The following NELL1 variants were observed in gnomAD, a reference collection of about 807,000 sequenced individuals.
NELL1 encodes protein kinase C-binding protein NELL1.
NELL1 carries 76 observed loss-of-function variants against 107.4 expected under a neutral mutation model. The observed-to-expected ratio is 0.71, with a 90% CI of 0.59 to 0.86. The LOEUF (loss-of-function observed/expected upper bound fraction) is 0.86, where lower values mean the gene tolerates loss of function less well. NELL1 is among the 40% of genes least tolerant of loss of function. NELL1 has a pLI of 0.00. For missense variants in NELL1, 1,024 were observed against 1,005.5 expected (o/e 1.02, Z -0.25); for synonymous variants, 353 against 341.2 (o/e 1.03, Z -0.38).
At chr11:21,091,320 C>T (rs1256066319) in intron 12 of NELL1, among the ~76,000 whole-genome samples, 1 of 152,138 alleles carries the variant, frequency 6.6e-6, no homozygotes, top group East Asian at 1.9e-4. Context: ...TAAAAACTGG[C>T]CTTTATATAA....
chr11:20,787,164 C>G (rs1856985378), intron 3 of NELL1, among the ~76,000 whole-genome samples: 1 of 151,600 alleles, frequency 6.6e-6, no homozygotes, highest in Non-Finnish European at 1.5e-5. Context: ...TCCCCTCTCC[C>G]TCTGGACTTT....
chr11:21,085,599 G>A (rs75792024), intron 12 of NELL1, among the ~76,000 whole-genome samples: 1,712 of 152,142 alleles, frequency 0.011, 32 homozygotes, highest in African/African-American at 0.039. Context: ...TCACACCACT[G>A]CACTGCAGCC....
chr11:21,333,756 C>A (rs1333759005), intron 14 of NELL1, among the ~76,000 whole-genome samples: 2 of 151,950 alleles, frequency 1.3e-5, no homozygotes, highest in African/African-American at 2.4e-5. Flanking sequence ...TTTTCCTTGT[C>A]CAGTAAGTGA....
chr11:20,698,983 G>T (rs968620420), intron 2 of NELL1, among the ~76,000 whole-genome samples: 2 of 152,094 alleles, frequency 1.3e-5, no homozygotes, highest in Non-Finnish European at 2.9e-5. Flanking sequence ...TTGGGAGGCC[G>T]AGGTGGGCAG....
At chr11:21,009,526 G>T (rs1397512671) in intron 12 of NELL1, among the ~76,000 whole-genome samples, 1 of 151,968 alleles carries the variant, frequency 6.6e-6, no homozygotes, top group African/African-American at 2.4e-5. Context: ...GTGCATAATT[G>T]GTTACCCAGA....
chr11:21,548,489 G>A (rs1039531392), intron 16 of NELL1, among the ~76,000 whole-genome samples: 20 of 151,806 alleles, frequency 1.3e-4, no homozygotes, highest in African/African-American at 4.4e-4. Flanking sequence ...CAATAGGTGA[G>A]AGAGAGAATG....
At chr11:21,562,762 C>T (rs1490096554) in intron 17 of NELL1, among the ~76,000 whole-genome samples, 5 of 151,728 alleles carry the variant, frequency 3.3e-5, no homozygotes, top group African/African-American at 1.2e-4. Flanking sequence ...GATTTAAATG[C>T]CGTCAAATTA....
At chr11:21,336,651 GTA>G (rs71034503) in intron 14 of NELL1, among the ~76,000 whole-genome samples, 15,986 of 131,870 alleles carry the variant, frequency 0.12, 959 homozygotes, top group Non-Finnish European at 0.14. Flanking sequence ...ATATGTGTGT[GTA>G]TATATATATA....
chr11:21,353,535 A>G (rs10500903), intron 14 of NELL1, among the ~76,000 whole-genome samples: 1 of 152,012 alleles, frequency 6.6e-6, no homozygotes, highest in Non-Finnish European at 1.5e-5. Context: ...CAAAAATAAC[A>G]TTAGCACAAG....
intron 13 of NELL1, among the ~76,000 whole-genome samples, chr11:21,211,851 A>C (rs1857504578): frequency 6.6e-6 from 1 of 151,914 alleles, no homozygotes; most frequent in Non-Finnish European, 1.5e-5. Context: ...TTTGAGATGG[A>C]GTCTCTCTCT....
At chr11:21,297,196 G>A (rs974382888) in intron 14 of NELL1, among the ~76,000 whole-genome samples, 6 of 151,866 alleles carry the variant, frequency 4.0e-5, no homozygotes, top group South Asian at 2.1e-4. Flanking sequence ...TGGACATATC[G>A]ATAGTATTAT....
chr11:20,897,863 A>G (rs1278340532), intron 5 of NELL1, among the ~76,000 whole-genome samples: 4 of 152,190 alleles, frequency 2.6e-5, no homozygotes, highest in South Asian at 4.1e-4. Flanking sequence ...CAAAACCACA[A>G]TGAGATACCA....
chr11:21,413,163 G>A (rs773027550), intron 15 of NELL1, among the ~76,000 whole-genome samples: 13 of 152,030 alleles, frequency 8.6e-5, no homozygotes, highest in Non-Finnish European at 1.9e-4. Flanking sequence ...TCACTGCCAC[G>A]GTTCTCAGTA....
At chr11:21,119,553 T>C (rs1251744040) in intron 13 of NELL1, among the ~76,000 whole-genome samples, 3 of 152,102 alleles carry the variant, frequency 2.0e-5, no homozygotes, top group Admixed American at 6.6e-5. Flanking sequence ...CTCTGTACTT[T>C]TTTGTAGGGA....
intron 14 of NELL1, among the ~76,000 whole-genome samples, chr11:21,243,630 C>T (rs1248160476): frequency 1.3e-5 from 2 of 152,018 alleles, no homozygotes; most frequent in South Asian, 2.1e-4. Flanking sequence ...TAGTAGAAGA[C>T]GTAAAGGCTC....
chr11:21,410,802 C>T (rs1852356151), intron 15 of NELL1, among the ~76,000 whole-genome samples: 1 of 152,074 alleles, frequency 6.6e-6, no homozygotes, highest in African/African-American at 2.4e-5. Context: ...GAACTGCCTA[C>T]TCTGCACTGG....
At chr11:21,516,011 A>T (rs1023963236) in intron 15 of NELL1, among the ~76,000 whole-genome samples, 1 of 152,206 alleles carries the variant, frequency 6.6e-6, no homozygotes, top group African/African-American at 2.4e-5. Context: ...CTCCCACAGC[A>T]GACTGTGAGA....
intron 2 of NELL1, among the ~76,000 whole-genome samples, chr11:20,723,576 A>T (rs1446466337): frequency 6.6e-6 from 1 of 152,090 alleles, no homozygotes; most frequent in East Asian, 1.9e-4. Context: ...TCTGGAGGGT[A>T]CAGCCCCCAG....
At chr11:20,732,360 C>T (rs770524605) in intron 2 of NELL1, among the ~76,000 whole-genome samples, 1 of 152,158 alleles carries the variant, frequency 6.6e-6, no homozygotes, top group African/African-American at 2.4e-5. Flanking sequence ...GCCTCAGTTG[C>T]CTCTTTTACT....
Sources: gnomAD v4.1 joint callset for allele counts (sites outside exome capture counted in the v4.1 genomes callset) on GRCh38, gnomAD v4.1.1 for gene constraint, MANE v1.5 for transcripts, NCBI Gene and HGNC (gene_info 2026-07-23, HGNC 2026-07-21) for gene names.